Variants in CARD14 observed in about 807,000 individuals in gnomAD.
The protein encoded by CARD14 is caspase recruitment domain family member 14.
CARD14 carries 107 observed loss-of-function variants against 111.5 expected under a neutral mutation model. The observed-to-expected ratio is 0.96, with a 90% CI of 0.82 to 1.13. The LOEUF is 1.13. Among genes scored for constraint, CARD14 ranks in the 50% most tolerant of loss-of-function variants. The pLI, the probability that CARD14 is intolerant of heterozygous loss-of-function variation, is 0.00. For synonymous variants in CARD14, 617 were observed against 579.6 expected, an observed-to-expected ratio of 1.06 and a Z score of -0.93; for missense variants, 1,322 against 1,362.3, an observed-to-expected ratio of 0.97 and a Z score of 0.47.
At chr17:80,173,329 C>T (rs996782543) in intron 2 of CARD14, 101 bp downstream of exon 2, 9 of 61,662 alleles carry the variant, frequency 1.5e-4, no homozygotes, top group African/African-American at 2.6e-4. Flanking sequence ...CACACACGCG[C>T]GCGCGCGCGC....
chr17:80,174,316 G>A (rs919372280), intron 2 of CARD14, among the ~76,000 whole-genome samples: 4 of 152,144 alleles, frequency 2.6e-5, no homozygotes, highest in Admixed American at 6.5e-5. Flanking sequence ...GGGTTTAAGC[G>A]ATTCTCCTGC....
Position 80,205,537 on chromosome 17 carries a change from T to C in CARD14, c.2576T>C (p.Leu859Ser). Residue 859 changes from leucine (L) to serine (S), a missense_variant, in exon 22 of 24, where the codon TTG becomes TCG. By Grantham distance (145) the Leu-to-Ser change is moderately radical. Coordinates refer to ENST00000648509, the MANE Select transcript of CARD14 (RefSeq NM_001366385.1). ...QGFKKCLAEYLSQEEYEAWSQ... is the reference protein window; with the variant it reads ...QGFKKCLAEYSSQEEYEAWSQ... ...CGTCCAATGTCACCTGTAGAGTACT[T>C]GAGCCAGGAGGAGTATGAGGCCTGG... The C allele has an allele frequency of 6.3e-7, 1 of 1,586,180 alleles. No individual in the cohort carries two copies. Among genetic ancestry groups the C allele is most frequent in the Non-Finnish European group, 8.6e-7 (1 of 1,165,514 alleles).
rs144570537 is a variant in CARD14 at position 80,188,467 on chromosome 17, G to A, written c.766G>A (p.Asp256Asn). 1.9e-5 allele frequency: 31 copies of A among 1,599,638 alleles called. No individual in the cohort carries two copies. The African/African-American group carries it at 3.0e-4, about 15-fold the overall frequency. The change falls in exon 8 of 24, where the codon GAC (aspartate) becomes AAC (asparagine). Residue 256 changes from aspartate to asparagine, a missense_variant. Asp to Asn is a conservative substitution (Grantham distance 23). Transcript: ENST00000648509. The surrounding 1 kb of genome is among the most constrained non-coding windows in gnomAD (Gnocchi z 4.5). Reference sequence around the variant, plus strand: ...AGAGCAGTCCCTGAGGACAGCCAGCGACCAGGAGTCCGGGGATGAGGAGCT... The same window carrying A: ...AGAGCAGTCCCTGAGGACAGCCAGCAACCAGGAGTCCGGGGATGAGGAGCT... ...LQEQSLRTASDQESGDEELNR... is the reference protein window; with the variant it reads ...LQEQSLRTASNQESGDEELNR...
At position 80,201,637 on chromosome 17, in the gene CARD14, C is replaced by T. The variant is rs917971284; in HGVS notation, c.1852-107C>T. On this transcript the variant is annotated intron_variant, in intron 16 of 23. Coordinates refer to ENST00000648509, the MANE Select transcript of CARD14 (RefSeq NM_001366385.1). This position sits in a 1 kb window ranked among gnomAD's most constrained non-coding sequence, Gnocchi z 5.0. ...CCAAGGCGTGCAGGCAGTGGTCCTA[C>T]GGCAGGGCTGGCCCGCGCCTCGCCT... 49 of 1,194,170 alleles carry T rather than the reference C, an allele frequency of 4.1e-5. No homozygotes were observed. The highest frequency in any genetic ancestry group is 1.9e-4 in the Middle Eastern group (1 of 5,222). 74.0% of individuals were successfully genotyped at this position (1,194,170 alleles called of 1,614,324 possible). A position where few individuals can be genotyped will look rare whatever the true frequency, so the allele number is the denominator to read the frequency against.
rs79407194 is a variant in CARD14, at chr17:80,201,809, C to T, written c.1917C>T (p.Ala639=). 1.2e-3 allele frequency: 1,874 copies of T among 1,613,940 alleles called. 7 individuals are homozygous for T. In the Middle Eastern group the frequency reaches 0.018, roughly 15 times the overall value. The change falls in exon 17 of 24, where the codon GCC becomes GCT. Residue 639 remains alanine, a synonymous_variant. Transcript: ENST00000648509. The surrounding 1 kb of genome is among the most constrained non-coding windows in gnomAD (Gnocchi z 5.0). The part of the protein sequence containing the change: ...AVLEDTTLEE[A]VGLLRRVDGF... ...TGGAGGACACGACCCTGGAGGAGGC[C>T]GTGGGGCTTCTCAGGAGGGTGGACG...
chr17:80,202,012 C>T (rs988161730), intron 17 of CARD14, 142 bp downstream of exon 17: 18 of 1,274,724 alleles, frequency 1.4e-5, no homozygotes, highest in Non-Finnish European at 1.7e-5. Flanking sequence ...CCCAGGTCCC[C>T]AGGAGGCCCC....
At chr17:80,176,513 G>A (rs543778895) in intron 2 of CARD14, among the ~76,000 whole-genome samples, 1 of 150,738 alleles carries the variant, frequency 6.6e-6, no homozygotes, top group East Asian at 2.0e-4. Flanking sequence ...GATGCTTCTA[G>A]TGTATTCACA....
At position 80,203,060 on chromosome 17, in the gene CARD14, G is replaced by C. The variant is rs2041073591; in HGVS notation, c.2219+640G>C. On this transcript the variant is annotated intron_variant, in intron 18 of 23. Transcript: ENST00000648509. This position sits in a 1 kb window ranked among gnomAD's most constrained non-coding sequence, Gnocchi z 4.6. ...AGGCGGGTGGATCATCTGAGGTCAG[G>C]AGTTCGAGACCAGCCTGGGTAACCT... The C allele has an allele frequency of 6.6e-6, 1 of 152,482 alleles. No individual in the cohort carries two copies. Among genetic ancestry groups the C allele is most frequent in the South Asian group, 2.1e-4 (1 of 4,820 alleles). 9.4% of individuals were successfully genotyped at this position (152,482 alleles called of 1,614,324 possible). A position where few individuals can be genotyped will look rare whatever the true frequency, so the allele number is the denominator to read the frequency against.
At chr17:80,207,273 G>C (rs904420586) in intron 23 of CARD14, among the ~76,000 whole-genome samples, 188 bp downstream of exon 23, 11 of 152,168 alleles carry the variant, frequency 7.2e-5, no homozygotes, top group Non-Finnish European at 1.5e-4. Flanking sequence ...GATTTTGGCC[G>C]GGCGTGGTGG....
At chr17:80,205,347 T>C (rs1389216340) in intron 21 of CARD14, 142 bp downstream of exon 21, 16 of 1,139,292 alleles carry the variant, frequency 1.4e-5, no homozygotes, top group East Asian at 1.3e-4. Flanking sequence ...TGTGTCCAGA[T>C]AGTTCAGGAT....
Position 80,208,218 on chromosome 17 carries a change from C to T in CARD14, c.2888C>T (p.Ala963Val), listed in dbSNP as rs1176488460. 6.4e-6 allele frequency: 10 copies of T among 1,561,348 alleles called. No individual in the cohort carries two copies. The highest frequency in any genetic ancestry group is 1.3e-5 in the African/African-American group (1 of 74,304). Residue 963 changes from alanine (A) to valine (V), a missense_variant, in exon 24 of 24, where the codon GCG becomes GTG. Physicochemically the swap from Ala to Val is moderately conservative, Grantham distance 64. Coordinates refer to ENST00000648509, the MANE Select transcript of CARD14 (RefSeq NM_001366385.1). ...CAGGAGGAGGGAGACCTGGACCGGGCGCCCTGTCTATACAGCAGCCTGGCT... is the reference window on the plus strand; with the variant it reads ...CAGGAGGAGGGAGACCTGGACCGGGTGCCCTGTCTATACAGCAGCCTGGCT... ...ARQEEGDLDR[A>V]PCLYSSLAPD...
chr17:80,197,645 A>C (rs926243703), intron 14 of CARD14: 19 of 192,862 alleles, frequency 9.9e-5, no homozygotes, highest in African/African-American at 2.3e-4. Context: ...ATGCAGGTCC[A>C]TGCAGAAATA....
intron 22 of CARD14, chr17:80,206,059 G>A (rs967715539): frequency 1.2e-5 from 2 of 167,238 alleles, no homozygotes; most frequent in Non-Finnish European, 2.6e-5. Context: ...GGCTGGCGGA[G>A]CTCCATGCCA....
rs746722599 is a variant in CARD14 at position 80,203,912 on chromosome 17, C to T, written c.2283+27C>T. ...TGAGGCTCCAGGGAGGGGCCTGGACCCCACTGGGGTGGGCTGGAAGAGGGG... is the reference window on the plus strand; with the variant it reads ...TGAGGCTCCAGGGAGGGGCCTGGACTCCACTGGGGTGGGCTGGAAGAGGGG... On this transcript the variant is annotated intron_variant, in intron 19 of 23. Coordinates refer to ENST00000648509, the MANE Select transcript of CARD14 (RefSeq NM_001366385.1). The surrounding 1 kb of genome is among the most constrained non-coding windows in gnomAD (Gnocchi z 4.6). The T allele has an allele frequency of 4.5e-6, 7 of 1,564,272 alleles. No homozygotes were observed. Among genetic ancestry groups the T allele is most frequent in the Non-Finnish European group, 6.1e-6 (7 of 1,151,972 alleles).
chr17:80,208,108 G>T, intron 23 of CARD14, 30 bp from the exon 24 acceptor site: 2 of 1,465,562 alleles, frequency 1.4e-6, no homozygotes, highest in Non-Finnish European at 1.8e-6. Context: ...TCTCCCCTGA[G>T]CCCGCCCCCC....
chr17:80,189,910 G>A lies in CARD14; in HGVS notation c.963+38G>A, dbSNP rs775827174. ...CCCTTCCTCCCTTGTGACTCTCCTG[G>A]GGCTTGTCTCAGGGGTGCGGACAGG... is the stretch of plus-strand genomic sequence containing the variant. On this transcript the variant is annotated intron_variant, in intron 9 of 23. Coordinates refer to ENST00000648509, the MANE Select transcript of CARD14 (RefSeq NM_001366385.1). This position sits in a 1 kb window ranked among gnomAD's most constrained non-coding sequence, Gnocchi z 4.7. The A allele has an allele frequency of 2.5e-6, 4 of 1,576,748 alleles. No homozygotes were observed. Among genetic ancestry groups the A allele is most frequent in the Non-Finnish European group, 3.4e-6 (4 of 1,167,434 alleles).
chr17:80,195,309 T>G lies in CARD14; in HGVS notation c.1475T>G (p.Phe492Cys). Residue 492 changes from phenylalanine to cysteine, a missense_variant, in exon 13 of 24, where the codon TTC (phenylalanine) becomes TGC (cysteine). By Grantham distance (205) the Phe-to-Cys change is radical (BLOSUM62 -2). Coordinates refer to ENST00000648509, the MANE Select transcript of CARD14 (RefSeq NM_001366385.1). This position sits in a 1 kb window ranked among gnomAD's most constrained non-coding sequence, Gnocchi z 4.7. ...CTGTACAAGCGGGTGGCCGAGGACT[T>G]CGGGGAAGAACCCTGGTCTTTCAGG... ...QSLYKRVAED[F>C]GEEPWSFSSC... 6.2e-7 allele frequency: 1 copy of G among 1,612,486 alleles called. No individual in the cohort carries two copies. The highest frequency in any genetic ancestry group is 8.5e-7 in the Non-Finnish European group (1 of 1,179,342).
Position 80,195,779 on chromosome 17 carries a change from T to C in CARD14, c.1594+127T>C, listed in dbSNP as rs973774318. Reference sequence around the variant, plus strand: ...TAGAAGCAGAGCTCAACTTCTGCCCTGGGCCTTGACCTTGGCCTCGACCTT... The same window carrying C: ...TAGAAGCAGAGCTCAACTTCTGCCCCGGGCCTTGACCTTGGCCTCGACCTT... On this transcript the variant is annotated intron_variant, in intron 14 of 23. Transcript: ENST00000648509. This position sits in a 1 kb window ranked among gnomAD's most constrained non-coding sequence, Gnocchi z 4.7. The C allele has an allele frequency of 3.2e-5, 26 of 800,966 alleles. No homozygotes were observed. Among genetic ancestry groups the C allele is most frequent in the Non-Finnish European group, 4.9e-5 (25 of 508,502 alleles). 49.6% of individuals were successfully genotyped at this position (800,966 alleles called of 1,614,324 possible). A position where few individuals can be genotyped will look rare whatever the true frequency, so the allele number is the denominator to read the frequency against.
rs771934781 is a variant in CARD14, at chr17:80,182,671, T to C, written c.230T>C (p.Leu77Pro). 1 of 1,614,112 alleles carries C rather than the reference T, an allele frequency of 6.2e-7. No homozygotes were observed. The highest frequency in any genetic ancestry group is 2.2e-5 in the East Asian group (1 of 44,872). Residue 77 changes from leucine to proline, a missense_variant, in exon 6 of 24, where the codon CTG becomes CCG. Leu to Pro is a moderately conservative substitution (Grantham distance 98). Transcript: ENST00000648509. This position sits in a 1 kb window ranked among gnomAD's most constrained non-coding sequence, Gnocchi z 4.7. ...TCCCAAGGGCACTTGCTGGATTTGCTGAAGACTCGAGGGAAGAACGGGGCC... is the reference window on the plus strand; with the variant it reads ...TCCCAAGGGCACTTGCTGGATTTGCCGAAGACTCGAGGGAAGAACGGGGCC... ...AMRAGHLLDL[L>P]KTRGKNGAIA...
Sources: gnomAD v4.1 joint callset for allele counts (sites outside exome capture counted in the v4.1 genomes callset) on GRCh38, gnomAD v4.1.1 for gene constraint, Gnocchi (gnomAD v3.1) non-coding constraint, MANE v1.5 for transcripts, NCBI Gene and HGNC (gene_info 2026-07-23, HGNC 2026-07-21) for gene names.